Variants in PHLDB2 observed in about 807,000 individuals in gnomAD.
PHLDB2 encodes the protein pleckstrin homology-like domain family B member 2.
Under a neutral mutation model 123.6 loss-of-function variants are expected in PHLDB2, and 71 were observed. The ratio of observed to expected loss-of-function variants is 0.57; its 90% CI spans 0.47 to 0.70. The LOEUF (loss-of-function observed/expected upper bound fraction) is 0.70. Among genes scored for constraint, PHLDB2 ranks in the 30% least tolerant of loss-of-function variants. The pLI, the probability that PHLDB2 is intolerant of heterozygous loss-of-function variation, is 0.00. For synonymous variants in PHLDB2, 547 were observed against 541.6 expected, an observed-to-expected ratio of 1.01 and a Z score of -0.14; for missense variants, 1,446 against 1,519.5, an observed-to-expected ratio of 0.95 and a Z score of 0.80.
In PHLDB2 at chr3:111,913,704, T is replaced by C. The variant is rs2068007897; in HGVS notation, c.1719+2T>C. ...TCTTATCTAAGTATCCTACCAAAGG[T>C]AATGTTGGCCCAGCAAAGATACTAG... On this transcript the variant is annotated splice_donor_variant, in intron 3 of 17. Transcript: ENST00000431670. LOFTEE classifies it high-confidence loss of function. The C allele has an allele frequency of 6.2e-7, 1 of 1,608,286 alleles. No homozygotes were observed. The highest frequency in any genetic ancestry group is 8.5e-7 in the Non-Finnish European group (1 of 1,175,826).
chr3:111,756,953 C>A (rs1349541977), intron 1 of PHLDB2, among the ~76,000 whole-genome samples: 1 of 152,162 alleles, frequency 6.6e-6, no homozygotes, highest in Non-Finnish European at 1.5e-5. Flanking sequence ...AAATTCTTTT[C>A]TTTAAGAATG....
rs559332596 is a variant in PHLDB2 at position 111,910,938 on chromosome 3, T to C, written c.1336-2381T>C. On this transcript the variant is annotated intron_variant, in intron 2 of 17. Transcript: ENST00000431670. ...GCTGCATGTGTCAGTGATTCAAACT[T>C]GAACAGATTGGCTGTGAATGGGGTG... 1.5e-3 allele frequency among the ~76,000 whole-genome samples: 236 copies of C among 152,336 alleles called. 1 individual carries two copies. The highest frequency in any genetic ancestry group is 4.3e-3 in the South Asian group (21 of 4,828).
At chr3:111,891,069 T>G (rs1423203437) in intron 2 of PHLDB2, among the ~76,000 whole-genome samples, 1 of 152,132 alleles carries the variant, frequency 6.6e-6, no homozygotes, top group African/African-American at 2.4e-5. Context: ...CCATTTGGAC[T>G]GGTTGGTGGT....
chr3:111,831,030 A>AAAGAAAGAAAGAAAGAAAGAAAGG (rs1559855366), intron 1 of PHLDB2, among the ~76,000 whole-genome samples: 36 of 72,024 alleles, frequency 5.0e-4, no homozygotes, highest in Non-Finnish European at 7.3e-4. Flanking sequence ...AGAAAGAAAG[A>AAAGAAAGAAAGAAAGAAAGAAAGG]AAGGAAGGAA....
At chr3:111,790,084 C>T (rs907503076) in intron 1 of PHLDB2, among the ~76,000 whole-genome samples, 1 of 152,154 alleles carries the variant, frequency 6.6e-6, no homozygotes, top group African/African-American at 2.4e-5. Context: ...TTATCAGCAC[C>T]TCAGAAATGT....
intron 6 of PHLDB2, among the ~76,000 whole-genome samples, chr3:111,933,822 T>C (rs1430378990): frequency 1.3e-5 from 2 of 152,220 alleles, no homozygotes; most frequent in Non-Finnish European, 2.9e-5. Flanking sequence ...TCCTTATCAC[T>C]AAAGATTTTA....
intron 1 of PHLDB2, among the ~76,000 whole-genome samples, chr3:111,840,397 C>A (rs2063629559): frequency 6.6e-6 from 1 of 152,084 alleles, no homozygotes; most frequent in Non-Finnish European, 1.5e-5. Flanking sequence ...TCCTTGCATT[C>A]CAGAAATAAA....
Position 111,975,162 on chromosome 3 carries a change from A to G in PHLDB2, c.*599A>G, listed in dbSNP as rs2072451057. 1 of 152,618 alleles carries G rather than the reference A, an allele frequency of 6.6e-6. No individual in the cohort carries two copies. The highest frequency in any genetic ancestry group is 2.4e-5 in the African/African-American group (1 of 41,446). 9.5% of individuals were successfully genotyped at this position (152,618 alleles called of 1,614,324 possible). A position where few individuals can be genotyped will look rare whatever the true frequency, so the allele number is the denominator to read the frequency against. On this transcript the variant is annotated 3_prime_UTR_variant, in exon 18 of 18. Coordinates refer to ENST00000431670, the MANE Select transcript of PHLDB2 (RefSeq NM_001134438.2). ...TGAACTGCATTTCGTATTGTTCTGT[A>G]TATTTCAAAATGGTATTTTGATGCC...
rs1295282920 is a variant in PHLDB2 at position 111,920,433 on chromosome 3, A to G, written c.2001+14A>G. On this transcript the variant is annotated intron_variant, in intron 5 of 17. Coordinates refer to ENST00000431670, the MANE Select transcript of PHLDB2 (RefSeq NM_001134438.2). ...GAAAAGACCAAGGTAAAAGAAAATT[A>G]TATTTCAATGCAGTTTTTATGGGCA... 1 of 1,610,454 alleles carries G rather than the reference A, an allele frequency of 6.2e-7. No homozygotes were observed. Among genetic ancestry groups the G allele is most frequent in the South Asian group, 1.1e-5 (1 of 90,174 alleles).
intron 1 of PHLDB2, among the ~76,000 whole-genome samples, chr3:111,779,333 G>GGTAT (rs1559826387): frequency 6.6e-6 from 1 of 151,782 alleles, no homozygotes; most frequent in African/African-American, 2.4e-5. Flanking sequence ...TGAGATTTGG[G>GGTAT]GTATGATTGA....
At chr3:111,892,896 C>T (rs1345890725) in intron 2 of PHLDB2, among the ~76,000 whole-genome samples, 3 of 152,150 alleles carry the variant, frequency 2.0e-5, no homozygotes, top group Non-Finnish European at 2.9e-5. Context: ...GTTCTCTAAT[C>T]TCTGAAACGT....
chr3:111,959,271 G>T (rs1183197525), intron 12 of PHLDB2, among the ~76,000 whole-genome samples: 1 of 152,262 alleles, frequency 6.6e-6, no homozygotes, highest in African/African-American at 2.4e-5. Flanking sequence ...ATTGATAATT[G>T]CAGGGGTTAC....
At chr3:111,905,273 T>C (rs532133401) in intron 2 of PHLDB2, among the ~76,000 whole-genome samples, 1 of 152,286 alleles carries the variant, frequency 6.6e-6, no homozygotes, top group South Asian at 2.1e-4. Context: ...GTGTAAGAAT[T>C]CTAAAGTAGA....
intron 2 of PHLDB2, among the ~76,000 whole-genome samples, chr3:111,896,368 G>A (rs890151906): frequency 2.7e-5 from 4 of 150,918 alleles, no homozygotes; most frequent in Admixed American, 6.6e-5. Flanking sequence ...GCCCCGAGAC[G>A]GAGTCTCCCT....
chr3:111,815,168 A>G (rs2062017709), intron 1 of PHLDB2, among the ~76,000 whole-genome samples: 1 of 152,154 alleles, frequency 6.6e-6, no homozygotes, highest in Non-Finnish European at 1.5e-5. Context: ...CTGTAAGTCC[A>G]ATAAACCACT....
At chr3:111,752,917 T>C (rs1049547755) in intron 1 of PHLDB2, among the ~76,000 whole-genome samples, 2 of 152,122 alleles carry the variant, frequency 1.3e-5, no homozygotes, top group East Asian at 1.9e-4. Context: ...TTTGTTCTTG[T>C]GATAGTTTAC....
intron 1 of PHLDB2, among the ~76,000 whole-genome samples, chr3:111,838,984 A>G (rs1441282312): frequency 6.6e-6 from 1 of 152,196 alleles, no homozygotes; most frequent in Non-Finnish European, 1.5e-5. Flanking sequence ...TCTGCTTCAA[A>G]ACTTTTATAG....
Position 111,757,435 on chromosome 3 carries a change from A to G in PHLDB2, c.-49+24732A>G, listed in dbSNP as rs965900069. ...GCTTTCAGCTCCATCAGCTCCTTTA[A>G]GCACTTCTCTGTATTGGTTATTCTA... On this transcript the variant is annotated intron_variant, in intron 1 of 17. Coordinates refer to the PHLDB2 transcript ENST00000393923. Among the ~76,000 whole-genome samples the G allele has an allele frequency of 5.3e-5, 8 of 152,202 alleles. No homozygotes were observed. In the East Asian group the frequency reaches 1.5e-3, roughly 29 times the overall value.
intron 1 of PHLDB2, among the ~76,000 whole-genome samples, chr3:111,780,399 A>AGAAGAAGAAGAAGAAGAAGGAG (rs1553726797): frequency 1.5e-4 from 11 of 74,452 alleles, no homozygotes; most frequent in East Asian, 8.7e-4. Flanking sequence ...AAGAAGAAGA[A>AGAAGAAGAAGAAGAAGAAGGAG]GAAGAAGAAG....
Sources: gnomAD v4.1 joint callset for allele counts (sites outside exome capture counted in the v4.1 genomes callset) on GRCh38, gnomAD v4.1.1 for gene constraint, MANE v1.5 for transcripts, NCBI Gene and HGNC (gene_info 2026-07-23, HGNC 2026-07-21) for gene names.